The following C3 variants were observed in gnomAD, a reference collection of about 807,000 sequenced individuals.
C3 encodes complement C3, also known as C3 and PZP-like alpha-2-macroglobulin domain-containing protein 1.
C3 carries 97 observed loss-of-function variants against 207.9 expected under a neutral mutation model. The ratio of observed to expected loss-of-function variants is 0.47; its 90% CI spans 0.40 to 0.55. The LOEUF is 0.55. C3 is among the 20% of genes least tolerant of loss of function. The pLI is 0.00. For synonymous variants in C3, 848 were observed against 857.6 expected (o/e 0.99, Z 0.20); for missense variants, 1,684 against 2,171.7 (o/e 0.78, Z 4.46).
intron 30 of C3, 75 bp from the exon 31 acceptor site, chr19:6,684,909 C>T: frequency 6.2e-7 from 1 of 1,607,076 alleles, no homozygotes; most frequent in Non-Finnish European, 8.5e-7. Flanking sequence ...ACCTGGCCCT[C>T]CCTCTTGCTT....
intron 9 of C3, among the ~76,000 whole-genome samples, chr19:6,712,930 C>T (rs1967950073): frequency 6.6e-6 from 1 of 151,278 alleles, no homozygotes; most frequent in South Asian, 2.1e-4. Flanking sequence ...CCTCATCAGA[C>T]TGGACACAGA....
At position 6,717,923 on chromosome 19, in the gene C3, T is replaced by C. The variant is rs2642196; in HGVS notation, c.504+171A>G. ...GTGTATTGTGTGCTGTGTGTGTGCA[T>C]GTTGTGTGCTGTATGTGTGTGTGTT... On this transcript the variant is annotated intron_variant, in intron 4 of 40. Transcript: ENST00000245907. 675,567 of 725,308 alleles carry C rather than the reference T, an allele frequency of 0.93. 314,944 individuals are homozygous for C. The highest frequency in any genetic ancestry group is 0.98 in the African/African-American group (57,063 of 58,140). 44.9% of individuals were successfully genotyped at this position (725,308 alleles called of 1,614,324 possible).
intron 27 of C3, among the ~76,000 whole-genome samples, chr19:6,689,320 T>TCTCTCTAC (rs1555684196): frequency 9.7e-5 from 7 of 72,382 alleles, no homozygotes; most frequent in South Asian, 4.1e-4. Context: ...TCTCTCTCTC[T>TCTCTCTAC]CTACCTACCT....
intron 19 of C3, among the ~76,000 whole-genome samples, chr19:6,699,266 G>T (rs1967599866): frequency 6.8e-6 from 1 of 147,582 alleles, no homozygotes. Context: ...GTAGAGACGG[G>T]GCTTTGCCAT....
At chr19:6,709,657 C>T in intron 14 of C3, 27 bp downstream of exon 14, 1 of 1,534,786 alleles carries the variant, frequency 6.5e-7, no homozygotes, top group South Asian at 1.1e-5. Flanking sequence ...CGCCTCTTCT[C>T]AGCAGCCTTG....
At chr19:6,715,209 T>A (rs1968006600) in intron 4 of C3, among the ~76,000 whole-genome samples, 1 of 152,124 alleles carries the variant, frequency 6.6e-6, no homozygotes, top group Non-Finnish European at 1.5e-5. Context: ...GCGCAATGGC[T>A]CAAGCCTGTA....
At chr19:6,709,896 C>T (rs1967866977) in intron 13 of C3, 54 bp from the exon 14 acceptor site, 4 of 1,536,032 alleles carry the variant, frequency 2.6e-6, no homozygotes, top group Non-Finnish European at 3.5e-6. Flanking sequence ...AGAGGAGTGC[C>T]TGGGATGGAG....
chr19:6,693,975 C>T (rs1316438919), intron 24 of C3, among the ~76,000 whole-genome samples: 1 of 123,404 alleles, frequency 8.1e-6, no homozygotes, highest in Admixed American at 7.9e-5. Context: ...AGGTGGGAGG[C>T]CCTCAGGGGA....
At chr19:6,683,733 G>A (rs1465202601) in intron 33 of C3, among the ~76,000 whole-genome samples, 3 of 152,274 alleles carry the variant, frequency 2.0e-5, no homozygotes, top group South Asian at 2.1e-4. Flanking sequence ...TTACAGGCGC[G>A]AGCCGCCACA....
intron 4 of C3, among the ~76,000 whole-genome samples, chr19:6,715,608 GTTTTTTTTTTGTTTTTTTTGT>G (rs1968013179): frequency 1.4e-5 from 2 of 144,670 alleles, no homozygotes; most frequent in Non-Finnish European, 3.1e-5. Flanking sequence ...ATAAAAATCT[GTTTTTTTTTTGTTTTTTTTGT>G]TTTTTTTTTT....
At chr19:6,683,447 T>TTG (rs1045126557) in intron 33 of C3, 3 of 16,842 alleles carry the variant, frequency 1.8e-4, no homozygotes, top group African/African-American at 1.6e-3. Flanking sequence ...TTTTATTCTA[T>TTG]TTTTTTTTTT....
intron 2 of C3, 132 bp from the exon 3 acceptor site, chr19:6,718,544 A>G: frequency 1.0e-6 from 1 of 989,836 alleles, no homozygotes. Flanking sequence ...CGTTTTGGGG[A>G]GGGAGGGGCA....
intron 27 of C3, among the ~76,000 whole-genome samples, chr19:6,688,826 A>G (rs1599502870): frequency 6.6e-6 from 1 of 152,036 alleles, no homozygotes; most frequent in East Asian, 1.9e-4. Context: ...ACGTGGCCAC[A>G]GTGGAAACAG....
At chr19:6,699,322 C>T (rs1439141486) in intron 19 of C3, among the ~76,000 whole-genome samples, 1 of 150,152 alleles carries the variant, frequency 6.7e-6, no homozygotes, top group Non-Finnish European at 1.5e-5. Context: ...GATTTGCCGG[C>T]CTCAGCCTCT....
chr19:6,704,894 T>C (rs1202844784), intron 17 of C3, among the ~76,000 whole-genome samples: 2 of 145,758 alleles, frequency 1.4e-5, no homozygotes, highest in African/African-American at 2.6e-5. Flanking sequence ...CAAGATTCCA[T>C]CTCAAAAAAA....
intron 21 of C3, 99 bp from the exon 22 acceptor site, chr19:6,696,758 A>G: frequency 8.2e-7 from 1 of 1,223,112 alleles, no homozygotes; most frequent in Non-Finnish European, 1.2e-6. Context: ...TCACCCTAGC[A>G]TTGCCGGGCG....
intron 4 of C3, among the ~76,000 whole-genome samples, chr19:6,715,200 C>T (rs1352431703): frequency 3.9e-5 from 6 of 152,068 alleles, no homozygotes; most frequent in Admixed American, 6.5e-5. Flanking sequence ...TTAGGGCGAG[C>T]GCAATGGCTC....
Position 6,710,706 on chromosome 19 carries a change from G to A in C3, c.1619C>T (p.Ala540Val). 6.2e-7 allele frequency: 1 copy of A among 1,613,742 alleles called. No individual in the cohort carries two copies. Among genetic ancestry groups the A allele is most frequent in the Non-Finnish European group, 8.5e-7 (1 of 1,180,018 alleles). The change falls in exon 13 of 41, where the codon GCC becomes GTC. Residue 540 changes from alanine (A) to valine (V), a missense_variant. Transcript: ENST00000245907. Reference sequence around the variant, plus strand: ...GGCCACCACCTCCCTCTGGCCGCTGGCACCGATCAGCGTGTAGTACGCCAC... The same window carrying A: ...GGCCACCACCTCCCTCTGGCCGCTGACACCGATCAGCGTGTAGTACGCCAC... ...RLVAYYTLIG[A>V]SGQREVVADS...
chr19:6,679,962 C>T (rs1345173856), intron 36 of C3, 196 bp downstream of exon 36: 3 of 589,324 alleles, frequency 5.1e-6, no homozygotes, highest in Non-Finnish European at 9.3e-6. Context: ...GACCATCATT[C>T]TCAGATCCCC....
Sources: gnomAD v4.1 joint callset for allele counts (sites outside exome capture counted in the v4.1 genomes callset) on GRCh38, gnomAD v4.1.1 for gene constraint, MANE v1.5 for transcripts, NCBI Gene and HGNC (gene_info 2026-07-23, HGNC 2026-07-21) for gene names.